Variants in ZNF541 observed in about 807,000 individuals in gnomAD.
The protein encoded by ZNF541 is zinc finger protein 541.
ZNF541 carries 23 observed loss-of-function variants against 123.5 expected under a neutral mutation model. That is an observed-to-expected ratio of 0.19 (90% CI 0.13 to 0.26). The LOEUF is 0.26. ZNF541 is among the 10% of genes least tolerant of loss of function. The pLI is 1.00. For synonymous variants in ZNF541, 751 were observed against 754.5 expected (o/e 1.00, Z 0.08); for missense variants, 1,612 against 1,789.9 (o/e 0.90, Z 1.79).
At position 47,549,502 on chromosome 19, in the gene ZNF541, A is replaced by G. The variant is rs1164914375; in HGVS notation, c.308-17T>C. On this transcript the variant is annotated splice_polypyrimidine_tract_variant and intron_variant, in intron 3 of 16. Transcript: ENST00000391901. ...GCCCCAGGTCTAAACAGAGGGAGAAAGCACAGGTTATACACAGCCAAGGCA... is the reference window on the plus strand; with the variant it reads ...GCCCCAGGTCTAAACAGAGGGAGAAGGCACAGGTTATACACAGCCAAGGCA... The G allele has an allele frequency of 6.4e-7, 1 of 1,551,564 alleles. No individual in the cohort carries two copies. The highest frequency in any genetic ancestry group is 1.4e-5 in the African/African-American group (1 of 73,032).
rs1475530693 is a variant in ZNF541 at position 47,544,142 on chromosome 19, A to G, written c.2387T>C (p.Ile796Thr). Reference sequence around the variant, plus strand: ...AGCTGGTACCTGGATTCTGCTGAATATTGTCAGCTTGGACTTGGAGGGATC... The same window carrying G: ...AGCTGGTACCTGGATTCTGCTGAATGTTGTCAGCTTGGACTTGGAGGGATC... ...PADPSKSKLTIFSRIQGGNIY... is the reference protein window; with the variant it reads ...PADPSKSKLTTFSRIQGGNIY... The change falls in exon 5 of 17, where the codon ATA becomes ACA. Residue 796 changes from isoleucine (I) to threonine (T), a missense_variant. Transcript: ENST00000391901. 1 of 1,549,524 alleles carries G rather than the reference A, an allele frequency of 6.5e-7. No individual in the cohort carries two copies. Among genetic ancestry groups the G allele is most frequent in the Non-Finnish European group, 8.7e-7 (1 of 1,145,558 alleles).
At chr19:47,533,404 G>C (rs1162601287) in intron 9 of ZNF541, among the ~76,000 whole-genome samples, 2 of 138,308 alleles carry the variant, frequency 1.4e-5, no homozygotes, top group Admixed American at 7.6e-5. Flanking sequence ...AAATCCCATG[G>C]GAAAGGGCAG....
intron 2 of ZNF541, among the ~76,000 whole-genome samples, chr19:47,558,082 C>A (rs1970896950): frequency 6.6e-6 from 1 of 151,846 alleles, no homozygotes; most frequent in African/African-American, 2.4e-5. Flanking sequence ...AAAGAGGAAA[C>A]ACATCACTAA....
chr19:47,542,167 T>C (rs1970107984), intron 5 of ZNF541, among the ~76,000 whole-genome samples: 1 of 152,092 alleles, frequency 6.6e-6, no homozygotes. Context: ...TCATATGCAA[T>C]GTCCAGAACA....
At chr19:47,528,857 G>T in intron 14 of ZNF541, 93 bp downstream of exon 14, 1 of 953,230 alleles carries the variant, frequency 1.0e-6, no homozygotes, top group Non-Finnish European at 1.6e-6. Flanking sequence ...GCAGGTGAGG[G>T]TGGGGCCCTC....
rs188613410 is a variant in ZNF541 at position 47,556,715 on chromosome 19, G to A, written c.-98-761C>T. Among the ~76,000 whole-genome samples, 9 of 148,554 alleles carry A rather than the reference G, an allele frequency of 6.1e-5. No homozygotes were observed. In the East Asian group the frequency reaches 1.4e-3, roughly 23 times the overall value. ...GTACCCAAAAAAGTCAATTTAATACGTTTCTATATAGATTAAATGTGGAAT... is the reference window on the plus strand; with the variant it reads ...GTACCCAAAAAAGTCAATTTAATACATTTCTATATAGATTAAATGTGGAAT... On this transcript the variant is annotated intron_variant, in intron 2 of 16. Coordinates refer to ENST00000391901, the MANE Select transcript of ZNF541 (RefSeq NM_001277075.3).
chr19:47,548,502 G>A (rs2123199942), intron 4 of ZNF541, among the ~76,000 whole-genome samples: 1 of 150,956 alleles, frequency 6.6e-6, no homozygotes. Context: ...CCATTGCCAT[G>A]TTCTAGAAGC....
intron 5 of ZNF541, among the ~76,000 whole-genome samples, chr19:47,542,672 G>A (rs372849278): frequency 6.6e-6 from 1 of 151,586 alleles, no homozygotes; most frequent in Non-Finnish European, 1.5e-5. Flanking sequence ...ATTTGGCCAG[G>A]CACAGTGGCT....
intron 4 of ZNF541, among the ~76,000 whole-genome samples, chr19:47,546,399 C>T (rs965662178): frequency 6.6e-6 from 1 of 152,024 alleles, no homozygotes; most frequent in African/African-American, 2.4e-5. Context: ...ATCCCAGCTA[C>T]TGGGGAAGCT....
At chr19:47,559,326 C>G (rs1335780567) in intron 2 of ZNF541, among the ~76,000 whole-genome samples, 1 of 151,172 alleles carries the variant, frequency 6.6e-6, no homozygotes, top group Non-Finnish European at 1.5e-5. Context: ...GAGCTGAGAT[C>G]GTGCCACTGC....
At chr19:47,542,423 A>G (rs559188645) in intron 5 of ZNF541, among the ~76,000 whole-genome samples, 2 of 152,282 alleles carry the variant, frequency 1.3e-5, no homozygotes, top group Admixed American at 1.3e-4. Context: ...TGGGAGGCCG[A>G]GGCAAGCACA....
chr19:47,547,475 T>C (rs867267180), intron 4 of ZNF541, among the ~76,000 whole-genome samples: 4 of 152,174 alleles, frequency 2.6e-5, no homozygotes, highest in South Asian at 2.1e-4. Context: ...TCCTAGTCGA[T>C]GTGGACTAAA....
Position 47,549,361 on chromosome 19 carries a change from C to T in ZNF541, c.432G>A (p.Leu144=), listed in dbSNP as rs1191015628. Residue 144 remains leucine, a synonymous_variant, in exon 4 of 17, where the codon CTG becomes CTA. Coordinates refer to ENST00000391901, the MANE Select transcript of ZNF541 (RefSeq NM_001277075.3). ...TGGCGCTGCTGAACACCTTCCCGCA[C>T]AGGCTGCAGTCCAGAAGTGGGTTTT... ...SPQNPLLDCS[L]CGKVFSSASS... 1 of 1,551,750 alleles carries T rather than the reference C, an allele frequency of 6.4e-7. No individual in the cohort carries two copies. The highest frequency in any genetic ancestry group is 8.7e-7 in the Non-Finnish European group (1 of 1,147,018).
chr19:47,543,087 C>T (rs1484405470), intron 5 of ZNF541, among the ~76,000 whole-genome samples: 3 of 151,922 alleles, frequency 2.0e-5, no homozygotes, highest in Non-Finnish European at 4.4e-5. Context: ...CCAGGCTGGG[C>T]AACATAGCGA....
chr19:47,540,307 A>C lies in ZNF541; in HGVS notation c.2491T>G (p.Trp831Gly). The change falls in exon 7 of 17, where the codon TGG (tryptophan) becomes GGG (glycine). Residue 831 changes from tryptophan to glycine, a missense_variant. Trp to Gly is a radical substitution (Grantham distance 184). This residue lies in a region of ZNF541 where 1,080 missense variants were observed against 1,013.8 expected (regional missense o/e 1.07). Transcript: ENST00000391901. Reference sequence around the variant, plus strand: ...ACAAAAGTGCTCCTGGGCTTCGTCCAGTCTGTGGGACTGCCGTTTTGCTGG... The same window carrying C: ...ACAAAAGTGCTCCTGGGCTTCGTCCCGTCTGTGGGACTGCCGTTTTGCTGG... ...GNQQNGSPTD[W>G]TKPRSTFVCK... The C allele has an allele frequency of 6.4e-7, 1 of 1,552,014 alleles. No homozygotes were observed. Among genetic ancestry groups the C allele is most frequent in the Non-Finnish European group, 8.7e-7 (1 of 1,146,976 alleles).
chr19:47,546,223 A>AC (rs60994005), intron 4 of ZNF541, among the ~76,000 whole-genome samples: 1 of 150,402 alleles, frequency 6.6e-6, no homozygotes, highest in Non-Finnish European at 1.5e-5. Flanking sequence ...AAAAAAAAAA[A>AC]CCAGCGGGGC....
chr19:47,521,160 C>G lies in ZNF541; in HGVS notation c.*64G>C. The G allele has an allele frequency of 2.6e-6, 4 of 1,519,076 alleles. No homozygotes were observed. Among genetic ancestry groups the G allele is most frequent in the Non-Finnish European group, 3.5e-6 (4 of 1,127,998 alleles). The allele number at this position is 1,519,076 out of a possible 1,614,324, so 94.1% of individuals were successfully genotyped here. The stretch of plus-strand genomic sequence containing the variant: ...GAGGCAGAGGGGTGCCCCAAACGCC[C>G]TGGAGAGGCCGAAGGGAGGAGGGGC... On this transcript the variant is annotated 3_prime_UTR_variant, in exon 17 of 17. Transcript: ENST00000391901. The surrounding 1 kb of genome is among the most constrained non-coding windows in gnomAD (Gnocchi z 4.2).
At chr19:47,551,046 T>A (rs1970577229) in intron 3 of ZNF541, among the ~76,000 whole-genome samples, 1 of 148,098 alleles carries the variant, frequency 6.8e-6, no homozygotes, top group South Asian at 2.1e-4. Flanking sequence ...ACTGTCTTTT[T>A]TTTTTTAATT....
In ZNF541 at chr19:47,545,243, T is replaced by C. The variant is rs186086770; in HGVS notation, c.1286A>G (p.Asn429Ser). 5.2e-4 allele frequency: 812 copies of C among 1,548,112 alleles called. 2 individuals carry two copies. The African/African-American group carries it at 9.9e-3, about 19-fold the overall frequency. The change falls in exon 5 of 17, where the codon AAC becomes AGC. Residue 429 changes from asparagine (N) to serine (S), a missense_variant. Coordinates refer to ENST00000391901, the MANE Select transcript of ZNF541 (RefSeq NM_001277075.3). The surrounding 1 kb of genome is among the most constrained non-coding windows in gnomAD (Gnocchi z 7.5). Reference protein sequence around the residue: ...LPGCPKSKGNNVFVVHKPSAV... With the variant: ...LPGCPKSKGNSVFVVHKPSAV... The stretch of plus-strand genomic sequence containing the variant: ...CGAGGGCTTGTGGACAACAAACACG[T>C]TGTTGCCTTTGCTTTTGGGACAGCC...
Sources: allele counts gnomAD v4.1 joint callset (sites outside exome capture counted in the v4.1 genomes callset), GRCh38; gene constraint gnomAD v4.1.1; regional missense constraint gnomAD v4.1.1; non-coding constraint Gnocchi (gnomAD v3.1); transcripts MANE v1.5; gene names NCBI Gene and HGNC (gene_info 2026-07-23, HGNC 2026-07-21).